The following CAPN1 variants were observed in gnomAD, a reference collection of about 807,000 sequenced individuals.
The protein encoded by CAPN1 is calpain 1, also known as calpain-1 catalytic subunit.
Under a neutral mutation model 105.2 loss-of-function variants are expected in CAPN1, and 77 were observed. That is an observed-to-expected ratio of 0.73 (90% CI 0.61 to 0.88). The LOEUF (loss-of-function observed/expected upper bound fraction) is 0.88, where lower values mean the gene tolerates loss of function less well. CAPN1 is among the 40% of genes least tolerant of loss of function. The pLI, the probability that CAPN1 is intolerant of heterozygous loss-of-function variation, is 0.00. For missense variants in CAPN1, 833 were observed against 976.6 expected (o/e 0.85, Z 1.96); for synonymous variants, 355 against 388.8 (o/e 0.91, Z 1.02).
chr11:65,195,637 C>CT (rs970740254), intron 10 of CAPN1, among the ~76,000 whole-genome samples: 1 of 151,876 alleles, frequency 6.6e-6, no homozygotes, highest in Admixed American at 6.6e-5. Flanking sequence ...GGGTTCATCG[C>CT]TTTTTTTGGG....
At chr11:65,193,736 G>A (rs558899916) in intron 10 of CAPN1, among the ~76,000 whole-genome samples, 266 of 150,930 alleles carry the variant, frequency 1.8e-3, no homozygotes, top group African/African-American at 6.3e-3. Flanking sequence ...TTTATTTAGA[G>A]ATGGGGTCTT....
chr11:65,187,234 T>C lies in CAPN1; in HGVS notation c.779T>C (p.Met260Thr), dbSNP rs1565393701. ...CSIDISSVLD[M>T]EAITFKKLVK... ...CTGCAGATCTCCAGCGTTCTAGACA[T>C]GGAGGCCATCACTTTCAAGAAGTTG... is the stretch of plus-strand genomic sequence containing the variant. Residue 260 changes from methionine to threonine, a missense_variant, in exon 7 of 22, where the codon ATG (methionine) becomes ACG (threonine). By Grantham distance (81) the Met-to-Thr change is moderately conservative (BLOSUM62 -1). Transcript: ENST00000279247. 3 of 1,613,182 alleles carry C rather than the reference T, an allele frequency of 1.9e-6. No individual in the cohort carries two copies. Among genetic ancestry groups the C allele is most frequent in the Non-Finnish European group, 2.5e-6 (3 of 1,179,518 alleles).
chr11:65,198,895 C>T (rs915711573), intron 10 of CAPN1, among the ~76,000 whole-genome samples: 1 of 152,158 alleles, frequency 6.6e-6, no homozygotes, highest in African/African-American at 2.4e-5. Flanking sequence ...AGTGCAGTGG[C>T]GCGATCTCCA....
rs2137387968 is a variant in CAPN1 at position 65,206,457 on chromosome 11, C to T, written c.1354-6C>T. The stretch of plus-strand genomic sequence containing the variant: ...TGCAGCCCTGCTCCCTCCTCCCTCC[C>T]ACCAGCTGGTGGGCCAGCCGGCCGT... On this transcript the variant is annotated splice_region_variant and splice_polypyrimidine_tract_variant and intron_variant, in intron 12 of 21. Transcript: ENST00000279247. The T allele has an allele frequency of 6.2e-7, 1 of 1,611,952 alleles. No homozygotes were observed. The highest frequency in any genetic ancestry group is 2.2e-5 in the East Asian group (1 of 44,850).
intron 14 of CAPN1, 36 bp downstream of exon 14, chr11:65,206,855 C>G: frequency 6.3e-7 from 1 of 1,591,822 alleles, no homozygotes; most frequent in South Asian, 1.1e-5. Flanking sequence ...CCGTCCTCCT[C>G]TCTTCCTCAC....
chr11:65,189,725 T>C (rs1047862903), intron 10 of CAPN1, among the ~76,000 whole-genome samples: 1 of 152,178 alleles, frequency 6.6e-6, no homozygotes, highest in Non-Finnish European at 1.5e-5. Flanking sequence ...TTGGGAACCA[T>C]TGAGTGTGGC....
At position 65,211,525 on chromosome 11, in the gene CAPN1, T is replaced by C. The variant is rs1949049595; in HGVS notation, c.*239T>C. 3.5e-6 allele frequency: 2 copies of C among 578,892 alleles called. No individual in the cohort carries two copies. The highest frequency in any genetic ancestry group is 2.1e-5 in the South Asian group (1 of 47,720). 35.9% of individuals were successfully genotyped at this position (578,892 alleles called of 1,614,324 possible). A position where few individuals can be genotyped will look rare whatever the true frequency, so the allele number is the denominator to read the frequency against. The stretch of plus-strand genomic sequence containing the variant: ...GGATGGACTCCCTGGGCCCCACCCA[T>C]TGCCAAGCCAGGAAGGCAGCTTTCG... On this transcript the variant is annotated 3_prime_UTR_variant, in exon 22 of 22. Transcript: ENST00000279247.
chr11:65,209,609 G>A lies in CAPN1; in HGVS notation c.1794+222G>A. Reference sequence around the variant, plus strand: ...AAGTGAAAGGTGGAGCAAGACCTGGGTCCCCATTGACCCTGAGGCTGGTGC... The same window carrying A: ...AAGTGAAAGGTGGAGCAAGACCTGGATCCCCATTGACCCTGAGGCTGGTGC... On this transcript the variant is annotated intron_variant, in intron 17 of 21. Transcript: ENST00000279247. The surrounding 1 kb of genome is among the most constrained non-coding windows in gnomAD (Gnocchi z 4.1). 1 of 636,054 alleles carries A rather than the reference G, an allele frequency of 1.6e-6. No homozygotes were observed. The highest frequency in any genetic ancestry group is 2.8e-6 in the Non-Finnish European group (1 of 355,192). 39.4% of individuals were successfully genotyped at this position (636,054 alleles called of 1,614,324 possible). A position where few individuals can be genotyped will look rare whatever the true frequency, so the allele number is the denominator to read the frequency against.
intron 10 of CAPN1, among the ~76,000 whole-genome samples, chr11:65,202,517 A>C (rs957436799): frequency 1.3e-5 from 2 of 152,046 alleles, no homozygotes; most frequent in African/African-American, 4.8e-5. Flanking sequence ...ATCTCGGCTC[A>C]CTGCAACCTC....
In CAPN1 at chr11:65,210,040, T is replaced by A; in HGVS notation, c.1886T>A (p.Leu629Gln). Reference protein sequence around the residue: ...NYLSIFRKFDLDKSGSMSAYE... With the variant: ...NYLSIFRKFDQDKSGSMSAYE... ...CAGTCCATCTTCCGGAAGTTTGACC[T>A]GGACAAGTCGGGCAGCATGAGTGCC... Residue 629 changes from leucine (L) to glutamine (Q), a missense_variant, in exon 19 of 22, where the codon CTG becomes CAG. Coordinates refer to ENST00000279247, the MANE Select transcript of CAPN1 (RefSeq NM_005186.4). The surrounding 1 kb of genome is among the most constrained non-coding windows in gnomAD (Gnocchi z 4.3). 1 of 1,613,062 alleles carries A rather than the reference T, an allele frequency of 6.2e-7. No individual in the cohort carries two copies.
Position 65,206,971 on chromosome 11 carries a change from C to T in CAPN1, c.1605+152C>T, listed in dbSNP as rs11227153. 0.15 allele frequency among the ~76,000 whole-genome samples: 22,898 copies of T among 152,186 alleles called. 2,267 individuals carry two copies. The highest frequency in any genetic ancestry group is 0.26 in the East Asian group (1,369 of 5,174). On this transcript the variant is annotated intron_variant, in intron 14 of 21. Transcript: ENST00000279247. ...ATAGGAGTAGTGCTAATCCCTCATCCGCCCAGCACTTTACAGTTTGCAGAG... is the reference window on the plus strand; with the variant it reads ...ATAGGAGTAGTGCTAATCCCTCATCTGCCCAGCACTTTACAGTTTGCAGAG...
At chr11:65,195,327 C>T (rs1417947211) in intron 10 of CAPN1, among the ~76,000 whole-genome samples, 3 of 151,992 alleles carry the variant, frequency 2.0e-5, no homozygotes, top group Admixed American at 6.6e-5. Flanking sequence ...TCAGACCAGC[C>T]GTGTTGGTCA....
intron 10 of CAPN1, among the ~76,000 whole-genome samples, chr11:65,189,509 C>G (rs1226084011): frequency 2.0e-5 from 3 of 152,220 alleles, no homozygotes; most frequent in African/African-American, 7.2e-5. Flanking sequence ...TGACCTCCAC[C>G]TTCGACTCTT....
At position 65,209,270 on chromosome 11, in the gene CAPN1, G is replaced by A. The variant is rs1197782710; in HGVS notation, c.1730-53G>A. 1.0e-5 allele frequency: 15 copies of A among 1,462,662 alleles called. No individual in the cohort carries two copies. The highest frequency in any genetic ancestry group is 7.2e-5 in the Admixed American group (4 of 55,318). 90.6% of individuals were successfully genotyped at this position (1,462,662 alleles called of 1,614,324 possible). A position where few individuals can be genotyped will look rare whatever the true frequency, so the allele number is the denominator to read the frequency against. ...GCCCCACCCAGTGCTCCCAGCAGGGGCAGGTGCAGGAAGCTCACTAGGTGG... is the reference window on the plus strand; with the variant it reads ...GCCCCACCCAGTGCTCCCAGCAGGGACAGGTGCAGGAAGCTCACTAGGTGG... On this transcript the variant is annotated intron_variant, in intron 16 of 21. Coordinates refer to ENST00000279247, the MANE Select transcript of CAPN1 (RefSeq NM_005186.4). This position sits in a 1 kb window ranked among gnomAD's most constrained non-coding sequence, Gnocchi z 4.1.
chr11:65,197,926 G>A (rs963903629), intron 10 of CAPN1, among the ~76,000 whole-genome samples: 3 of 129,088 alleles, frequency 2.3e-5, no homozygotes, highest in Admixed American at 1.6e-4. Flanking sequence ...GGAATATTTT[G>A]TCCTTTGACT....
chr11:65,183,403 C>A (rs1211034069), intron 3 of CAPN1, 71 bp from the exon 4 acceptor site: 1 of 1,278,604 alleles, frequency 7.8e-7, no homozygotes, highest in Non-Finnish European at 1.1e-6. Flanking sequence ...ACCCCAGATT[C>A]TCCCTAGCAC....
intron 11 of CAPN1, among the ~76,000 whole-genome samples, chr11:65,205,403 G>A (rs535215925): frequency 1.1e-4 from 17 of 152,282 alleles, no homozygotes; most frequent in Admixed American, 2.0e-4. Flanking sequence ...AGCAGCCTGC[G>A]GTGGCCCTTT....
chr11:65,206,582 C>G lies in CAPN1; in HGVS notation c.1473C>G (p.Pro491=), dbSNP rs1250162636. 2 of 1,613,358 alleles carry G rather than the reference C, an allele frequency of 1.2e-6. No individual in the cohort carries two copies. The highest frequency in any genetic ancestry group is 1.7e-6 in the Non-Finnish European group (2 of 1,179,880). Residue 491 remains proline (P), a synonymous_variant, in exon 13 of 22, where the codon CCC becomes CCG. Coordinates refer to ENST00000279247, the MANE Select transcript of CAPN1 (RefSeq NM_005186.4). ...REVSTRFRLP[P]GEYVVVPSTF... ...TCAGCACCCGCTTCCGCCTGCCACCCGGGGAGTATGTGGTGGTGCCCTCCA... is the reference window on the plus strand; with the variant it reads ...TCAGCACCCGCTTCCGCCTGCCACCGGGGGAGTATGTGGTGGTGCCCTCCA...
At chr11:65,204,943 C>A in intron 11 of CAPN1, 85 bp downstream of exon 11, 1 of 1,082,150 alleles carries the variant, frequency 9.2e-7, no homozygotes, top group South Asian at 1.5e-5. Flanking sequence ...GGGCTTCCAC[C>A]AGGGGGCGCC....
Sources: allele counts gnomAD v4.1 joint callset (sites outside exome capture counted in the v4.1 genomes callset), GRCh38; gene constraint gnomAD v4.1.1; non-coding constraint Gnocchi (gnomAD v3.1); transcripts MANE v1.5; gene names NCBI Gene and HGNC (gene_info 2026-07-23, HGNC 2026-07-21).